PPT2: variants seen among roughly 807,000 people sequenced by gnomAD.
The protein encoded by PPT2 is palmitoyl-protein thioesterase 2.
A neutral mutation model predicts 37.3 loss-of-function variants in PPT2; 20 were observed. That is an observed-to-expected ratio of 0.54 (90% CI 0.38 to 0.78). PPT2 has a LOEUF of 0.78. Among genes scored for constraint, PPT2 ranks in the 30% least tolerant of loss-of-function variants. PPT2 has a pLI of 0.00. For missense variants in PPT2, 270 were observed against 389.8 expected (o/e 0.69, Z 2.59); for synonymous variants, 135 against 159.1 (o/e 0.85, Z 1.14).
At position 32,155,779 on chromosome 6, in the gene PPT2, T is replaced by C. The variant is rs765943406; in HGVS notation, c.429T>C (p.Tyr143=). ...ISLSSPQMGQ[Y]GDTDYLKWLF... ...TCTCCTCTCCACAGATGGGACAGTA[T>C]GGAGGTGAGTGGGCACTAGACTCCA... The change falls in exon 4 of 9, where the codon TAT becomes TAC. Residue 143 remains tyrosine (Y), a synonymous_variant. Coordinates refer to ENST00000324816, the MANE Select transcript of PPT2 (RefSeq NM_005155.7). This position sits in a 1 kb window ranked among gnomAD's most constrained non-coding sequence, Gnocchi z 4.3. The C allele has an allele frequency of 1.2e-6, 2 of 1,613,560 alleles. No individual in the cohort carries two copies. The highest frequency in any genetic ancestry group is 2.2e-5 in the South Asian group (2 of 91,074).
In PPT2 at chr6:32,162,724, G is replaced by C; in HGVS notation, c.766-83G>C. The C allele has an allele frequency of 6.3e-7, 1 of 1,583,716 alleles. No individual in the cohort carries two copies. The highest frequency in any genetic ancestry group is 8.7e-7 in the Non-Finnish European group (1 of 1,153,096). ...TGAAGGGTTCACCCTGTGGGGAGGA[G>C]GTCCAGGATCCCAGCAGTAACTCAC... On this transcript the variant is annotated intron_variant, in intron 8 of 8. Coordinates refer to ENST00000324816, the MANE Select transcript of PPT2 (RefSeq NM_005155.7). The surrounding 1 kb of genome is among the most constrained non-coding windows in gnomAD (Gnocchi z 5.5).
At chr6:32,153,771 C>T (rs369347623), upstream of PPT2, 2 of 1,199,048 alleles carry the variant, frequency 1.7e-6, no homozygotes, top group South Asian at 3.1e-5. This position sits in a 1 kb window ranked among gnomAD's most constrained non-coding sequence, Gnocchi z 4.4. Context: ...ACTACCTTTC[C>T]CTGGTCCGCC....
At position 32,163,239 on chromosome 6, in the gene PPT2, T is replaced by C. The variant is rs1033944953; in HGVS notation, c.*289T>C. 11 of 420,956 alleles carry C rather than the reference T, an allele frequency of 2.6e-5. No individual in the cohort carries two copies. The highest frequency in any genetic ancestry group is 4.2e-5 in the Non-Finnish European group (10 of 238,224). The allele number at this position is 420,956 out of a possible 1,614,324, so 26.1% of individuals were successfully genotyped here. A position where few individuals can be genotyped will look rare whatever the true frequency, so the allele number is the denominator to read the frequency against. On this transcript the variant is annotated 3_prime_UTR_variant, in exon 9 of 9. Transcript: ENST00000324816. ...GCCGAAGTTGGGAAGTGAGAAACCA[T>C]GTTTTTAACTTGTGGCTGCTTTTGC...
In PPT2 at chr6:32,155,208, T is replaced by C. The variant is rs1363757268; in HGVS notation, c.337+25T>C. On this transcript the variant is annotated intron_variant, in intron 3 of 8. Transcript: ENST00000324816. The surrounding 1 kb of genome is among the most constrained non-coding windows in gnomAD (Gnocchi z 4.3). The stretch of plus-strand genomic sequence containing the variant: ...GGTAGGCGACTCCCCTGCCCCTAAC[T>C]CCTAAGCCCTATCTGAGGCTTGATC... 1.5e-5 allele frequency: 24 copies of C among 1,611,744 alleles called. No homozygotes were observed. The highest frequency in any genetic ancestry group is 2.7e-5 in the African/African-American group (2 of 74,880).
At chr6:32,157,593 G>A (rs761086650) in intron 5 of PPT2, 44 bp from the exon 6 acceptor site, 4 of 1,488,088 alleles carry the variant, frequency 2.7e-6, no homozygotes, top group Non-Finnish European at 3.7e-6. Context: ...CACCAGTCTT[G>A]CCTCCCTTTT....
chr6:32,163,117 C>T lies in PPT2; in HGVS notation c.*167C>T. On this transcript the variant is annotated 3_prime_UTR_variant, in exon 9 of 9. Transcript: ENST00000324816. ...AGTAGAGACTTGGCCTCCCAGAACC[C>T]CCTTCCTCTGCTCCTCCATGAATGA... 2.8e-6 allele frequency: 2 copies of T among 724,436 alleles called. No individual in the cohort carries two copies. Among genetic ancestry groups the T allele is most frequent in the Admixed American group, 6.2e-5 (2 of 32,454 alleles). The allele number at this position is 724,436 out of a possible 1,614,324, so 44.9% of individuals were successfully genotyped here. A position where few individuals can be genotyped will look rare whatever the true frequency, so the allele number is the denominator to read the frequency against.
rs1400179880 is a variant in PPT2, at chr6:32,163,575, C to G, written c.*625C>G. On this transcript the variant is annotated 3_prime_UTR_variant, in exon 9 of 9. Transcript: ENST00000324816. The stretch of plus-strand genomic sequence containing the variant: ...CCCTATGATCAGTGTTGGAGTACCC[C>G]CCTGGGAGAGCCTAGTTTCTTTGAG... 1 of 152,950 alleles carries G rather than the reference C, an allele frequency of 6.5e-6. No individual in the cohort carries two copies. The highest frequency in any genetic ancestry group is 1.5e-5 in the Non-Finnish European group (1 of 68,272). The allele number at this position is 152,950 out of a possible 1,614,324, so 9.5% of individuals were successfully genotyped here.
chr6:32,162,908 C>T lies in PPT2; in HGVS notation c.867C>T (p.Asn289=). The change falls in exon 9 of 9, where the codon AAC becomes AAT. Residue 289 remains asparagine (N), a synonymous_variant. Transcript: ENST00000324816. This position sits in a 1 kb window ranked among gnomAD's most constrained non-coding sequence, Gnocchi z 5.5. ...TCTCCCACACAGCCTGGCACTCCAA[C>T]CGTACCCTTTATGAGACCTGCATTG... ...AGISHTAWHS[N]RTLYETCIEP... 1 of 1,614,178 alleles carries T rather than the reference C, an allele frequency of 6.2e-7. No individual in the cohort carries two copies. Among genetic ancestry groups the T allele is most frequent in the African/African-American group, 1.3e-5 (1 of 75,054 alleles).
At chr6:32,157,595 CT>C (rs1783879443) in intron 5 of PPT2, 41 bp from the exon 6 acceptor site, 1 of 1,500,638 alleles carries the variant, frequency 6.7e-7, no homozygotes, top group Non-Finnish European at 9.3e-7. Flanking sequence ...CCAGTCTTGC[CT>C]CCCTTTTCTG....
In PPT2 at chr6:32,162,890, C is replaced by T; in HGVS notation, c.849C>T (p.His283=). ...IVRCPMAGIS[H]TAWHSNRTLY... is the part of the protein sequence containing the mutation. ...GGTGTCCAATGGCCGGTATCTCCCA[C>T]ACAGCCTGGCACTCCAACCGTACCC... Residue 283 remains histidine, a synonymous_variant, in exon 9 of 9, where the codon CAC becomes CAT. Coordinates refer to ENST00000324816, the MANE Select transcript of PPT2 (RefSeq NM_005155.7). The surrounding 1 kb of genome is among the most constrained non-coding windows in gnomAD (Gnocchi z 5.5). The T allele has an allele frequency of 6.2e-7, 1 of 1,614,116 alleles. No individual in the cohort carries two copies. The highest frequency in any genetic ancestry group is 8.5e-7 in the Non-Finnish European group (1 of 1,179,958).
rs982091161 is a variant in PPT2 at position 32,162,499 on chromosome 6, C to T, written c.711-69C>T. ...CCTCCCAAAGTGCTGCAATTACAGG[C>T]GTGTGCCACTGCGCCCGGCCAGATT... On this transcript the variant is annotated intron_variant, in intron 7 of 8. Coordinates refer to ENST00000324816, the MANE Select transcript of PPT2 (RefSeq NM_005155.7). This position sits in a 1 kb window ranked among gnomAD's most constrained non-coding sequence, Gnocchi z 5.5. The T allele has an allele frequency of 1.9e-5, 27 of 1,455,464 alleles. No individual in the cohort carries two copies. Among genetic ancestry groups the T allele is most frequent in the Admixed American group, 3.3e-5 (2 of 59,724 alleles). 90.2% of individuals were successfully genotyped at this position (1,455,464 alleles called of 1,614,324 possible).
In PPT2 at chr6:32,156,857, A is replaced by G. The variant is rs1434451499; in HGVS notation, c.542-780A>G. Among the ~76,000 whole-genome samples the G allele has an allele frequency of 6.6e-6, 1 of 151,978 alleles. No homozygotes were observed. The highest frequency in any genetic ancestry group is 1.5e-5 in the Non-Finnish European group (1 of 68,000). Reference sequence around the variant, plus strand: ...ATGAATGCAATGTACTTTGAATAGTACCTGGCTCATATAGTAGATACTAGA... The same window carrying G: ...ATGAATGCAATGTACTTTGAATAGTGCCTGGCTCATATAGTAGATACTAGA... On this transcript the variant is annotated intron_variant, in intron 5 of 8. Transcript: ENST00000324816. The surrounding 1 kb of genome is among the most constrained non-coding windows in gnomAD (Gnocchi z 4.9).
upstream of PPT2, chr6:32,153,664 A>T: frequency 4.0e-5 from 7 of 172,956 alleles, no homozygotes; most frequent in Non-Finnish European, 8.3e-5. This position sits in a 1 kb window ranked among gnomAD's most constrained non-coding sequence, Gnocchi z 4.4. Flanking sequence ...GGCGGACTGG[A>T]GGGTGGGGTG....
At chr6:32,157,270 G>T in intron 5 of PPT2, 1 of 296,108 alleles carries the variant, frequency 3.4e-6, no homozygotes, top group Non-Finnish European at 6.4e-6. Flanking sequence ...TCCCAGGATG[G>T]AGTGCAGTGG....
Position 32,154,455 on chromosome 6 carries a change from G to A in PPT2, c.-9+51G>A. On this transcript the variant is annotated intron_variant, in intron 1 of 8. Transcript: ENST00000324816. This position sits in a 1 kb window ranked among gnomAD's most constrained non-coding sequence, Gnocchi z 7.3. ...GTTTGTAGGGAGAGGGCTGGAGTAA[G>A]TTAAAAGTAGGCTATTTTGTGACAC... The A allele has an allele frequency of 4.7e-6, 7 of 1,493,928 alleles. No homozygotes were observed. In the East Asian group the frequency reaches 1.1e-4, roughly 25 times the overall value. 92.5% of individuals were successfully genotyped at this position (1,493,928 alleles called of 1,614,324 possible).
rs767259335 is a variant in PPT2, at chr6:32,157,880, G to A, written c.666G>A (p.Leu222=). 7 of 1,612,818 alleles carry A rather than the reference G, an allele frequency of 4.3e-6. No homozygotes were observed. Among genetic ancestry groups the A allele is most frequent in the African/African-American group, 1.3e-5 (1 of 74,904 alleles). The change falls in exon 7 of 9, where the codon CTG becomes CTA. Residue 222 remains leucine, a synonymous_variant. Coordinates refer to ENST00000324816, the MANE Select transcript of PPT2 (RefSeq NM_005155.7). The part of the protein sequence containing the change: ...KNFLRVGHLV[L]IGGPDDGVIT... ...TTCTGCGTGTGGGCCACCTGGTGCT[G>A]ATTGGGGGCCCTGATGATGGTGTTA...
intron 7 of PPT2, 27 bp downstream of exon 7, chr6:32,157,951 A>G: frequency 6.3e-7 from 1 of 1,575,326 alleles, no homozygotes; most frequent in Non-Finnish European, 8.7e-7. Context: ...TGGCCTGAAG[A>G]TTGGCTAAAG....
intron 7 of PPT2, among the ~76,000 whole-genome samples, chr6:32,159,886 A>C (rs1784041100): frequency 6.6e-6 from 1 of 151,368 alleles, no homozygotes. Context: ...ATGCCTGGCT[A>C]ATTTTTAGTA....
chr6:32,158,407 C>T (rs1374529494), intron 7 of PPT2: 1 of 154,662 alleles, frequency 6.5e-6, no homozygotes, highest in Non-Finnish European at 1.4e-5. Flanking sequence ...CCCCTCCATC[C>T]TATTCCTTAG....
Sources: allele counts gnomAD v4.1 joint callset (sites outside exome capture counted in the v4.1 genomes callset), GRCh38; gene constraint gnomAD v4.1.1; non-coding constraint Gnocchi (gnomAD v3.1); transcripts MANE v1.5; gene names NCBI Gene and HGNC (gene_info 2026-07-23, HGNC 2026-07-21).